The following DGKZ variants were observed in gnomAD, a reference collection of about 807,000 sequenced individuals.
The protein encoded by DGKZ is diacylglycerol kinase zeta, also known as DAG kinase zeta.
In DGKZ, 45 loss-of-function variants were observed where a neutral mutation model predicts 142.5. That is an observed-to-expected ratio of 0.32 (90% CI 0.25 to 0.40). DGKZ has a LOEUF of 0.40. DGKZ is among the 10% of genes least tolerant of loss of function. The pLI, the probability that DGKZ is intolerant of heterozygous loss-of-function variation, is 1.00. For synonymous variants in DGKZ, 442 were observed against 527.0 expected (o/e 0.84, Z 2.21); for missense variants, 755 against 1,306.5 (o/e 0.58, Z 6.51).
chr11:46,373,064 C>T, exon 14 of DGKZ: 1 of 1,544,462 alleles, frequency 6.5e-7, no homozygotes, highest in Non-Finnish European at 8.7e-7. Context: ...AACCCCGAGG[C>T]AGGGCCTGAG....
In DGKZ at chr11:46,374,848, G is replaced by A; in HGVS notation, c.1598+9G>A. Reference sequence around the variant, plus strand: ...TTCCTGAACATCCCCAGGTGAGGAGGGGGCTACCGGAGCTGGGGGGAGCCC... The same window carrying A: ...TTCCTGAACATCCCCAGGTGAGGAGAGGGCTACCGGAGCTGGGGGGAGCCC... On this transcript the variant is annotated intron_variant, in intron 18 of 30. Transcript: ENST00000527911. The A allele has an allele frequency of 6.3e-7, 1 of 1,587,192 alleles. No homozygotes were observed. Among genetic ancestry groups the A allele is most frequent in the Non-Finnish European group, 8.6e-7 (1 of 1,163,156 alleles).
chr11:46,352,214 G>A (rs1941476300), intron 1 of DGKZ, among the ~76,000 whole-genome samples: 3 of 152,210 alleles, frequency 2.0e-5, no homozygotes. Flanking sequence ...GGGATCCGGA[G>A]CCCTTCCACC....
intron 5 of DGKZ, 192 bp downstream of exon 5, chr11:46,369,742 T>A (rs897652739): frequency 1.1e-6 from 1 of 898,828 alleles, no homozygotes; most frequent in Non-Finnish European, 1.7e-6. Flanking sequence ...TTGTGCCTCC[T>A]GGTGCTTCCC....
intron 1 of DGKZ, chr11:46,365,743 G>A: frequency 2.0e-6 from 2 of 985,410 alleles, no homozygotes; most frequent in Non-Finnish European, 1.2e-6. Context: ...CACCTAACCT[G>A]CCCCCACCAT....
chr11:46,373,839 G>C (rs964912744), intron 14 of DGKZ, among the ~76,000 whole-genome samples: 1 of 152,214 alleles, frequency 6.6e-6, no homozygotes, highest in Admixed American at 6.5e-5. Context: ...CTGAGCGCCT[G>C]CTACCTGCCA....
rs1434905864 is a variant in DGKZ at position 46,347,938 on chromosome 11, G to A, written c.161+118G>A. 3 of 1,229,536 alleles carry A rather than the reference G, an allele frequency of 2.4e-6. No homozygotes were observed. Among genetic ancestry groups the A allele is most frequent in the Non-Finnish European group, 3.1e-6 (3 of 978,152 alleles). 76.2% of individuals were successfully genotyped at this position (1,229,536 alleles called of 1,614,324 possible). ...CACTTCGGTACTGACACTGAGTCGG[G>A]GAGAGGCTGGCACCGGCGGCACGAG... On this transcript the variant is annotated intron_variant, in intron 1 of 30. Transcript: ENST00000527911. This position sits in a 1 kb window ranked among gnomAD's most constrained non-coding sequence, Gnocchi z 6.4.
At chr11:46,335,398 C>T (rs934731536) in intron 1 of DGKZ, among the ~76,000 whole-genome samples, 21 of 151,802 alleles carry the variant, frequency 1.4e-4, no homozygotes, top group East Asian at 1.2e-3. Flanking sequence ...AATTAAAGGG[C>T]TGAGATAGAA....
chr11:46,371,060 G>C (rs1943889426), intron 6 of DGKZ, among the ~76,000 whole-genome samples: 1 of 152,176 alleles, frequency 6.6e-6, no homozygotes, highest in Non-Finnish European at 1.5e-5. Context: ...ACTCCAGCCT[G>C]GGCAACAAGA....
intron 1 of DGKZ, among the ~76,000 whole-genome samples, chr11:46,350,644 C>T (rs1488610263): frequency 6.6e-6 from 1 of 152,172 alleles, no homozygotes; most frequent in East Asian, 1.9e-4. Context: ...GGGGAGAGTT[C>T]CATGAACAAT....
chr11:46,369,267 C>T lies in DGKZ; in HGVS notation c.445-227C>T, dbSNP rs566805424. 593 of 603,318 alleles carry T rather than the reference C, an allele frequency of 9.8e-4. 2 individuals are homozygous for T. Among genetic ancestry groups the T allele is most frequent in the Non-Finnish European group, 1.4e-3 (479 of 332,090 alleles). The allele number at this position is 603,318 out of a possible 1,614,324, so 37.4% of individuals were successfully genotyped here. ...CAAAGCTCCCAACCTCCCCCTCATC[C>T]TGGGTCCTGGGTGGAAGAAGGAAAG... is the stretch of plus-strand genomic sequence containing the variant. On this transcript the variant is annotated intron_variant, in intron 4 of 30. Transcript: ENST00000527911.
Position 46,370,152 on chromosome 11 carries a change from C to T in DGKZ, c.570+143C>T, listed in dbSNP as rs145572272. 3.2e-5 allele frequency: 32 copies of T among 995,744 alleles called. No homozygotes were observed. The East Asian group carries it at 7.5e-4, about 23-fold the overall frequency. The allele number at this position is 995,744 out of a possible 1,614,324, so 61.7% of individuals were successfully genotyped here. A position where few individuals can be genotyped will look rare whatever the true frequency, so the allele number is the denominator to read the frequency against. On this transcript the variant is annotated intron_variant, in intron 6 of 30. Transcript: ENST00000527911. ...ACCCTCAGCCTGGCTGCAGTGCCTT[C>T]AGTTCTCAAGCACCCTGGCCTGCTC...
At chr11:46,378,027 C>A in intron 25 of DGKZ, 171 bp from the exon 26 acceptor site, 1 of 780,296 alleles carries the variant, frequency 1.3e-6, no homozygotes, top group Non-Finnish European at 2.1e-6. Flanking sequence ...AGGGCAAGGC[C>A]TTCCTCTGTC....
At chr11:46,374,120 G>T in intron 14 of DGKZ, 37 bp from the exon 15 acceptor site, 1 of 1,610,758 alleles carries the variant, frequency 6.2e-7, no homozygotes, top group Non-Finnish European at 8.5e-7. Flanking sequence ...CATTTGTGAG[G>T]CCCAGCCCTC....
chr11:46,357,628 C>G (rs1942184967), intron 1 of DGKZ, among the ~76,000 whole-genome samples: 1 of 152,274 alleles, frequency 6.6e-6, no homozygotes, highest in Admixed American at 6.5e-5. Flanking sequence ...GGACTCACTG[C>G]CAGGCACCAT....
chr11:46,366,646 A>G (rs1056876390), intron 1 of DGKZ: 2 of 1,599,514 alleles, frequency 1.3e-6, no homozygotes, highest in Non-Finnish European at 1.7e-6. Context: ...TAGCCGAGGC[A>G]TCGAGCGCCA....
At chr11:46,369,728 C>A in intron 5 of DGKZ, 178 bp downstream of exon 5, 1 of 923,004 alleles carries the variant, frequency 1.1e-6, no homozygotes, top group Non-Finnish European at 1.7e-6. Context: ...GTGGGTGGGA[C>A]AGCTTGTGCC....
upstream of DGKZ, among the ~76,000 whole-genome samples, chr11:46,344,090 C>T (rs1041479783): frequency 2.6e-5 from 4 of 151,986 alleles, no homozygotes; most frequent in African/African-American, 4.8e-5. Flanking sequence ...GCTGGGATTA[C>T]GGATGTCCAC....
chr11:46,362,721 G>A (rs896036863), intron 1 of DGKZ, among the ~76,000 whole-genome samples: 3 of 152,224 alleles, frequency 2.0e-5, no homozygotes, highest in Admixed American at 1.3e-4. Context: ...AGCACAGGGC[G>A]TGAGATGGCC....
chr11:46,343,792 G>T (rs972179011), upstream of DGKZ, among the ~76,000 whole-genome samples: 6 of 152,032 alleles, frequency 3.9e-5, no homozygotes, highest in Non-Finnish European at 5.9e-5. Context: ...CACCTAGAAT[G>T]CTATTCTCCC....
Sources: allele counts gnomAD v4.1 joint callset (sites outside exome capture counted in the v4.1 genomes callset), GRCh38; gene constraint gnomAD v4.1.1; non-coding constraint Gnocchi (gnomAD v3.1); transcripts MANE v1.5; gene names NCBI Gene and HGNC (gene_info 2026-07-23, HGNC 2026-07-21).